FBXL5: variants seen among roughly 807,000 people sequenced by gnomAD.
FBXL5 encodes F-box and leucine rich repeat protein 5.
Under a neutral mutation model 78.3 loss-of-function variants are expected in FBXL5, and 26 were observed. That is an observed-to-expected ratio of 0.33 (90% confidence interval 0.24 to 0.46). The LOEUF (loss-of-function observed/expected upper bound fraction) is 0.46, where lower values mean the gene tolerates loss of function less well. Ranked by LOEUF, FBXL5 falls within the 20% of genes least tolerant of loss-of-function variation. The pLI, the probability that FBXL5 is intolerant of heterozygous loss-of-function variation, is 1.00. For synonymous variants in FBXL5, 295 were observed against 282.5 expected, an observed-to-expected ratio of 1.04 and a Z score of -0.45; for missense variants, 710 against 829.2, an observed-to-expected ratio of 0.86 and a Z score of 1.77.
intron 9 of FBXL5, among the ~76,000 whole-genome samples, chr4:15,616,555 C>T (rs1458570528): frequency 6.6e-6 from 1 of 152,220 alleles, no homozygotes; most frequent in Admixed American, 6.5e-5. Flanking sequence ...CATCCCTTCC[C>T]TCAGATTCTG....
At chr4:15,624,019 T>C (rs1302867183) in intron 9 of FBXL5, among the ~76,000 whole-genome samples, 2 of 151,764 alleles carry the variant, frequency 1.3e-5, no homozygotes, top group Non-Finnish European at 2.9e-5. Context: ...AGAGATGGGG[T>C]TTCACCATGT....
chr4:15,649,594 A>AAAAG (rs1560237679), intron 1 of FBXL5, among the ~76,000 whole-genome samples: 28 of 150,734 alleles, frequency 1.9e-4, no homozygotes, highest in African/African-American at 6.4e-4. Context: ...AAAAAAAAAA[A>AAAAG]AAAGAAAGAA....
intron 10 of FBXL5, among the ~76,000 whole-genome samples, chr4:15,606,513 A>G (rs1165729315): frequency 6.6e-6 from 1 of 152,210 alleles, no homozygotes; most frequent in Non-Finnish European, 1.5e-5. Context: ...TAGGGAACAT[A>G]GCTGAGAATT....
chr4:15,662,055 A>C (rs1469533524), upstream of FBXL5, among the ~76,000 whole-genome samples: 1 of 152,188 alleles, frequency 6.6e-6, no homozygotes, highest in Non-Finnish European at 1.5e-5. Flanking sequence ...AAAATAAGTC[A>C]GTCTTTTATA....
chr4:15,637,877 A>C (rs867336735), intron 4 of FBXL5, among the ~76,000 whole-genome samples: 1 of 151,404 alleles, frequency 6.6e-6, no homozygotes, highest in Non-Finnish European at 1.5e-5. Flanking sequence ...CTGAACATAA[A>C]TAATTACTGA....
At chr4:15,613,891 C>A (rs892155074) in intron 9 of FBXL5, among the ~76,000 whole-genome samples, 2 of 152,180 alleles carry the variant, frequency 1.3e-5, no homozygotes, top group East Asian at 3.9e-4. Flanking sequence ...TTCTCTGGTG[C>A]CTCTTCCAGT....
chr4:15,606,695 A>C (rs1469207903), intron 10 of FBXL5, among the ~76,000 whole-genome samples: 1 of 152,216 alleles, frequency 6.6e-6, no homozygotes, highest in African/African-American at 2.4e-5. Context: ...TGTTCTTTAC[A>C]TATCAACAAG....
intron 1 of FBXL5, among the ~76,000 whole-genome samples, chr4:15,653,505 A>T (rs1003149312): frequency 6.6e-6 from 1 of 152,180 alleles, no homozygotes; most frequent in Admixed American, 6.5e-5. Context: ...AAAGCTACAA[A>T]CACCCTAGGA....
At chr4:15,607,998 G>A (rs1349955875) in intron 10 of FBXL5, among the ~76,000 whole-genome samples, 2 of 152,030 alleles carry the variant, frequency 1.3e-5, no homozygotes. Context: ...GCAAAATAAC[G>A]TATAACAAAG....
intron 9 of FBXL5, among the ~76,000 whole-genome samples, chr4:15,613,839 A>T (rs1045885067): frequency 7.6e-4 from 15 of 19,724 alleles, no homozygotes; most frequent in Non-Finnish European, 2.3e-3. Context: ...ATATCTTATA[A>T]CTTTTGTTTT....
chr4:15,672,708 T>C (rs1717816490), intron 1 of FBXL5, among the ~76,000 whole-genome samples: 1 of 152,178 alleles, frequency 6.6e-6, no homozygotes, highest in Non-Finnish European at 1.5e-5. Flanking sequence ...ACTGTAGACT[T>C]TATAAACACT....
intron 5 of FBXL5, among the ~76,000 whole-genome samples, chr4:15,635,047 C>A (rs544220146): frequency 6.6e-6 from 1 of 151,916 alleles, no homozygotes; most frequent in Non-Finnish European, 1.5e-5. Flanking sequence ...AAGTACTATA[C>A]GTGGCCGGGC....
At chr4:15,676,751 T>G (rs1285483689) in intron 1 of FBXL5, among the ~76,000 whole-genome samples, 1 of 152,168 alleles carries the variant, frequency 6.6e-6, no homozygotes, top group Non-Finnish European at 1.5e-5. Flanking sequence ...GTTGGGTTCA[T>G]TATACAATTC....
chr4:15,655,727 T>A (rs1436210946), upstream of FBXL5, among the ~76,000 whole-genome samples: 1 of 152,170 alleles, frequency 6.6e-6, no homozygotes, highest in African/African-American at 2.4e-5. Flanking sequence ...GGCCGCGAGC[T>A]CTGCTTGTGC....
At chr4:15,657,392 A>AG (rs1717047369), upstream of FBXL5, among the ~76,000 whole-genome samples, 1 of 152,222 alleles carries the variant, frequency 6.6e-6, no homozygotes. Context: ...CCTCATTTTT[A>AG]CTAATGTTTA....
In FBXL5 at chr4:15,655,220, C is replaced by A; in HGVS notation, c.68G>T (p.Gly23Val). The A allele has an allele frequency of 7.0e-7, 1 of 1,434,992 alleles. No individual in the cohort carries two copies. The highest frequency in any genetic ancestry group is 9.3e-7 in the Non-Finnish European group (1 of 1,073,586). 88.9% of individuals were successfully genotyped at this position (1,434,992 alleles called of 1,614,324 possible). A position where few individuals can be genotyped will look rare whatever the true frequency, so the allele number is the denominator to read the frequency against. Residue 23 changes from glycine (G) to valine (V), a missense_variant, in exon 1 of 11, where the codon GGG (glycine) becomes GTG (valine). This residue lies in a region of FBXL5 where 132 missense variants were observed against 156.9 expected (regional missense o/e 0.84). Coordinates refer to ENST00000341285, the MANE Select transcript of FBXL5 (RefSeq NM_012161.4). ...CTCCGTTACCTTGTCGCAGTAGAGCCCCACCAGCTGCTTCATCCGCCAGTG... is the reference window on the plus strand; with the variant it reads ...CTCCGTTACCTTGTCGCAGTAGAGCACCACCAGCTGCTTCATCCGCCAGTG... ...APHWRMKQLV[G>V]LYCDKLSKTN...
In FBXL5 at chr4:15,625,378, C is replaced by T; in HGVS notation, c.1724G>A (p.Arg575Lys). The T allele has an allele frequency of 6.2e-7, 1 of 1,614,188 alleles. No individual in the cohort carries two copies. Among genetic ancestry groups the T allele is most frequent in the Non-Finnish European group, 8.5e-7 (1 of 1,180,050 alleles). ...GTCTTTTCCCCTAGGCAATCTAGTC[C>T]TTGCTGCTTTTCTACACATTGCAGA... ...ESSAMCRKAA[R>K]TRLPRGKDLI... Residue 575 changes from arginine (R) to lysine (K), a missense_variant, in exon 9 of 11, where the codon AGG becomes AAG. Transcript: ENST00000341285.
At chr4:15,672,660 T>C (rs1262871550) in intron 1 of FBXL5, among the ~76,000 whole-genome samples, 1 of 152,176 alleles carries the variant, frequency 6.6e-6, no homozygotes, top group African/African-American at 2.4e-5. Context: ...CAGTGAGTGG[T>C]GAGTGAAAGT....
chr4:15,675,163 G>A (rs1229289358), intron 1 of FBXL5, among the ~76,000 whole-genome samples: 1 of 152,044 alleles, frequency 6.6e-6, no homozygotes, highest in Non-Finnish European at 1.5e-5. Context: ...GATTTTTTAT[G>A]TTAAGTCACA....
Sources: gnomAD v4.1 joint callset for allele counts (sites outside exome capture counted in the v4.1 genomes callset) on GRCh38, gnomAD v4.1.1 for gene constraint, gnomAD v4.1.1 regional missense constraint, MANE v1.5 for transcripts, NCBI Gene and HGNC (gene_info 2026-07-23, HGNC 2026-07-21) for gene names.